The following MATCAP2 variants were observed in gnomAD, a reference collection of about 807,000 sequenced individuals.
MATCAP2 encodes the protein microtubule associated tyrosine carboxypeptidase 2, also known as putative tyrosine carboxypeptidase MATCAP2.
the MATCAP2 span, among the ~76,000 whole-genome samples, chr7:36,374,722 C>T: frequency 6.6e-6 from 1 of 152,102 alleles, no homozygotes; most frequent in Non-Finnish European, 1.5e-5. Context: ...CGGTGTGTGA[C>T]GTTCCCCACC....
the MATCAP2 span, among the ~76,000 whole-genome samples, chr7:36,363,585 G>A: frequency 6.6e-6 from 1 of 152,152 alleles, no homozygotes; most frequent in East Asian, 1.9e-4. Flanking sequence ...TGGATTTTGT[G>A]GCTCAAATCA....
At chr7:36,326,977 T>A in the MATCAP2 span, 7 of 1,477,182 alleles carry the variant, frequency 4.7e-6, no homozygotes, top group Non-Finnish European at 6.5e-6. Context: ...ATTTTAAGGA[T>A]GAATTTCTTC....
chr7:36,361,774 A>T, the MATCAP2 span, among the ~76,000 whole-genome samples: 6 of 152,204 alleles, frequency 3.9e-5, no homozygotes, highest in Non-Finnish European at 8.8e-5. Context: ...AAACAGTATC[A>T]ACAGTAGAAA....
chr7:36,332,305 A>G, the MATCAP2 span, among the ~76,000 whole-genome samples: 1 of 152,200 alleles, frequency 6.6e-6, no homozygotes, highest in Non-Finnish European at 1.5e-5. Flanking sequence ...AGTACAAATT[A>G]AGAAACATTT....
chr7:36,340,057 T>C, the MATCAP2 span, among the ~76,000 whole-genome samples: 3 of 152,156 alleles, frequency 2.0e-5, no homozygotes, highest in Non-Finnish European at 4.4e-5. Context: ...AGAGATGAGG[T>C]TTCACCATGT....
At chr7:36,376,088 C>T in the MATCAP2 span, among the ~76,000 whole-genome samples, 1 of 152,164 alleles carries the variant, frequency 6.6e-6, no homozygotes, top group African/African-American at 2.4e-5. Flanking sequence ...TCTCTATCTC[C>T]TTCAGTTCTG....
the MATCAP2 span, chr7:36,367,230 T>G: frequency 8.8e-7 from 1 of 1,129,990 alleles, no homozygotes; most frequent in Non-Finnish European, 1.1e-6. Flanking sequence ...CTCCGCCGGT[T>G]GCTAGGAAAC....
At chr7:36,327,237 C>A in the MATCAP2 span, among the ~76,000 whole-genome samples, 1 of 152,166 alleles carries the variant, frequency 6.6e-6, no homozygotes, top group South Asian at 2.1e-4. Context: ...CTCCCGGGTT[C>A]AGGTGATTCT....
the MATCAP2 span, chr7:36,368,221 G>C: frequency 2.0e-5 from 3 of 152,206 alleles, no homozygotes; most frequent in Admixed American, 6.5e-5. Context: ...AGCTGAGATA[G>C]TGCTGGCAAC....
At chr7:36,365,560 C>A in the MATCAP2 span, among the ~76,000 whole-genome samples, 1 of 152,130 alleles carries the variant, frequency 6.6e-6, no homozygotes, top group Non-Finnish European at 1.5e-5. Context: ...ATCCGGCGGG[C>A]GTGGTAGCAT....
At chr7:36,378,729 C>A in the MATCAP2 span, among the ~76,000 whole-genome samples, 1 of 152,208 alleles carries the variant, frequency 6.6e-6, no homozygotes, top group Non-Finnish European at 1.5e-5. Context: ...GGCAGACAGG[C>A]CTCCTTGAGC....
At chr7:36,360,007 G>A in the MATCAP2 span, among the ~76,000 whole-genome samples, 1 of 152,196 alleles carries the variant, frequency 6.6e-6, no homozygotes, top group African/African-American at 2.4e-5. Flanking sequence ...AGCCGGAAAC[G>A]TAAAGGGAGG....
At chr7:36,353,001 G>A in the MATCAP2 span, among the ~76,000 whole-genome samples, 20 of 151,810 alleles carry the variant, frequency 1.3e-4, no homozygotes, top group Non-Finnish European at 2.1e-4. Context: ...CAGGCCCGGC[G>A]CAGTGGCCCA....
At chr7:36,389,917 C>A in the MATCAP2 span, 1 of 1,597,296 alleles carries the variant, frequency 6.3e-7, no homozygotes. Flanking sequence ...AGAGTTCCCC[C>A]GCCTCAGACT....
chr7:36,330,776 T>C, the MATCAP2 span, among the ~76,000 whole-genome samples: 1 of 152,230 alleles, frequency 6.6e-6, no homozygotes, highest in Admixed American at 6.5e-5. Context: ...TTCCTATTCC[T>C]TTATCTCTTA....
the MATCAP2 span, chr7:36,367,322 GC>G: frequency 9.9e-7 from 1 of 1,006,714 alleles, no homozygotes; most frequent in Non-Finnish European, 1.2e-6. Context: ...CCCGCGGGCG[GC>G]GAGAGAGAGT....
At chr7:36,333,149 G>A in the MATCAP2 span, among the ~76,000 whole-genome samples, 8 of 152,180 alleles carry the variant, frequency 5.3e-5, no homozygotes, top group South Asian at 2.1e-4. Flanking sequence ...CACAGTGCTC[G>A]AGCTTTGCTA....
At chr7:36,367,195 A>C in the MATCAP2 span, 1 of 1,184,810 alleles carries the variant, frequency 8.4e-7, no homozygotes, top group Non-Finnish European at 1.0e-6. Context: ...AGCAGCGCTT[A>C]GAACCTGCCA....
At chr7:36,389,682 C>T in the MATCAP2 span, 4 of 252,416 alleles carry the variant, frequency 1.6e-5, no homozygotes, top group African/African-American at 4.5e-5. Flanking sequence ...CTGCCCGCCT[C>T]CACCCCGCGG....
Sources: allele counts gnomAD v4.1 joint callset (sites outside exome capture counted in the v4.1 genomes callset), GRCh38; gene constraint gnomAD v4.1.1; transcripts MANE v1.5; gene names NCBI Gene and HGNC (gene_info 2026-07-23, HGNC 2026-07-21).